Variants in EPB41L4A observed in about 807,000 individuals in gnomAD.
EPB41L4A encodes band 4.1-like protein 4A.
EPB41L4A carries 100 observed loss-of-function variants against 108.6 expected under a neutral mutation model. The observed-to-expected ratio is 0.92, with a 90% CI of 0.78 to 1.09. The LOEUF (loss-of-function observed/expected upper bound fraction) is 1.09. Among genes scored for constraint, EPB41L4A ranks in the 50% least tolerant of loss-of-function variants. EPB41L4A has a pLI of 0.00. For missense variants in EPB41L4A, 1,030 were observed against 842.7 expected (o/e 1.22, Z -2.75); for synonymous variants, 319 against 289.0 (o/e 1.10, Z -1.05).
At chr5:112,289,257 G>A (rs185551455) in intron 2 of EPB41L4A, among the ~76,000 whole-genome samples, 12 of 152,244 alleles carry the variant, frequency 7.9e-5, no homozygotes, top group African/African-American at 1.2e-4. Context: ...GAATACTATG[G>A]ATACTCATTG....
chr5:112,312,410 G>A (rs936527771), intron 1 of EPB41L4A, among the ~76,000 whole-genome samples: 2 of 152,068 alleles, frequency 1.3e-5, no homozygotes, highest in African/African-American at 4.8e-5. Flanking sequence ...AGGACACAAG[G>A]AAAGCATCCA....
intron 1 of EPB41L4A, among the ~76,000 whole-genome samples, chr5:112,388,255 T>C (rs1270133595): frequency 1.3e-5 from 2 of 152,178 alleles, no homozygotes; most frequent in Non-Finnish European, 2.9e-5. Context: ...AGTTTAAAAG[T>C]GCAATGCAAA....
At chr5:112,332,242 A>G (rs1007212064) in intron 1 of EPB41L4A, among the ~76,000 whole-genome samples, 1 of 152,176 alleles carries the variant, frequency 6.6e-6, no homozygotes, top group African/African-American at 2.4e-5. Flanking sequence ...ATTCCTAACT[A>G]TCATCCCATC....
At chr5:112,177,519 G>C (rs559614964) in intron 18 of EPB41L4A, among the ~76,000 whole-genome samples, 1 of 152,252 alleles carries the variant, frequency 6.6e-6, no homozygotes, top group East Asian at 1.9e-4. Context: ...TGGAGATTAA[G>C]CCATGGACAT....
intron 9 of EPB41L4A, among the ~76,000 whole-genome samples, chr5:112,251,202 C>T (rs565233945): frequency 4.5e-4 from 69 of 152,170 alleles, no homozygotes; most frequent in Non-Finnish European, 7.9e-4. Context: ...GGTACAACTA[C>T]GAATGAAGCC....
chr5:112,168,921 G>C (rs766093340), intron 21 of EPB41L4A, 74 bp downstream of exon 21: 3 of 1,484,624 alleles, frequency 2.0e-6, no homozygotes, highest in Non-Finnish European at 2.8e-6. Context: ...ATTTCCATCA[G>C]CAAGTAAAGT....
At chr5:112,364,824 C>A (rs1482373419) in intron 1 of EPB41L4A, among the ~76,000 whole-genome samples, 1 of 152,160 alleles carries the variant, frequency 6.6e-6, no homozygotes, top group African/African-American at 2.4e-5. Context: ...CTAAATCCAA[C>A]CTCATTTCTT....
Position 112,285,845 on chromosome 5 carries a change from G to A in EPB41L4A, c.205-5522C>T, listed in dbSNP as rs1175885500. Among the ~76,000 whole-genome samples the A allele has an allele frequency of 2.0e-5, 3 of 152,024 alleles. No individual in the cohort carries two copies. In the East Asian group the frequency reaches 5.8e-4, roughly 29 times the overall value. Reference sequence around the variant, plus strand: ...AGGCACTGTTGAGGACTCTACATGTGTTTACTCTTTTAATCCTCTTAATAA... The same window carrying A: ...AGGCACTGTTGAGGACTCTACATGTATTTACTCTTTTAATCCTCTTAATAA... On this transcript the variant is annotated intron_variant, in intron 2 of 22. Transcript: ENST00000261486.
chr5:112,168,722 A>G lies in EPB41L4A; in HGVS notation c.1932+17T>C. On this transcript the variant is annotated intron_variant, in intron 22 of 22. Transcript: ENST00000261486. ...GTCATCAATACAACACCTTCTTCAAACCTTACTATTACTAACCTGATGAAC... is the reference window on the plus strand; with the variant it reads ...GTCATCAATACAACACCTTCTTCAAGCCTTACTATTACTAACCTGATGAAC... 2 of 1,603,568 alleles carry G rather than the reference A, an allele frequency of 1.2e-6. No homozygotes were observed. The highest frequency in any genetic ancestry group is 1.7e-6 in the Non-Finnish European group (2 of 1,170,692).
At chr5:112,188,929 CA>C (rs1418381835) in intron 17 of EPB41L4A, among the ~76,000 whole-genome samples, 6 of 152,194 alleles carry the variant, frequency 3.9e-5, no homozygotes, top group African/African-American at 1.4e-4. Context: ...TTGCCCTAGT[CA>C]GATATATTGT....
chr5:112,294,946 T>A (rs1485600458), intron 2 of EPB41L4A, among the ~76,000 whole-genome samples: 1 of 152,116 alleles, frequency 6.6e-6, no homozygotes, highest in Admixed American at 6.5e-5. Flanking sequence ...AAAACTGCAA[T>A]TGCAGTGGGG....
At chr5:112,268,842 C>CAAAAAAAAA (rs34983995) in intron 4 of EPB41L4A, among the ~76,000 whole-genome samples, 3 of 55,916 alleles carry the variant, frequency 5.4e-5, no homozygotes, top group African/African-American at 7.4e-5. Flanking sequence ...GACCTTCTCT[C>CAAAAAAAAA]AAAAAAAAAA....
At chr5:112,413,318 A>G (rs1424299156) in intron 1 of EPB41L4A, among the ~76,000 whole-genome samples, 1 of 152,236 alleles carries the variant, frequency 6.6e-6, no homozygotes, top group Non-Finnish European at 1.5e-5. Context: ...CCCATTATCA[A>G]TACAAAAATT....
chr5:112,320,176 C>T (rs1055233601), intron 1 of EPB41L4A, among the ~76,000 whole-genome samples: 9 of 152,206 alleles, frequency 5.9e-5, no homozygotes, highest in African/African-American at 2.2e-4. Context: ...GGTCACCCTG[C>T]ATCTTGCTCT....
chr5:112,204,693 G>A, intron 14 of EPB41L4A: 1 of 414,618 alleles, frequency 2.4e-6, no homozygotes, highest in Non-Finnish European at 4.4e-6. Context: ...TTATTTTGCA[G>A]GAATGCCATT....
chr5:112,194,382 T>G (rs184309071), intron 17 of EPB41L4A, among the ~76,000 whole-genome samples, 186 bp downstream of exon 17: 173 of 152,294 alleles, frequency 1.1e-3, no homozygotes, highest in Non-Finnish European at 2.1e-3. Flanking sequence ...TTAATCATCT[T>G]ATTGTGAAGA....
upstream of EPB41L4A, chr5:112,419,653 G>A: frequency 2.2e-6 from 1 of 456,494 alleles, no homozygotes; most frequent in Non-Finnish European, 4.4e-6. Flanking sequence ...CCCGACCATG[G>A]GCGCAGGGGC....
At chr5:112,311,817 T>G (rs1755072406) in intron 1 of EPB41L4A, among the ~76,000 whole-genome samples, 1 of 152,230 alleles carries the variant, frequency 6.6e-6, no homozygotes, top group African/African-American at 2.4e-5. Context: ...TGCTGGCATA[T>G]GAAGATAGTC....
chr5:112,237,020 G>T (rs1749386882), intron 11 of EPB41L4A, among the ~76,000 whole-genome samples: 1 of 152,182 alleles, frequency 6.6e-6, no homozygotes, highest in Non-Finnish European at 1.5e-5. Flanking sequence ...GTGAGGATCT[G>T]GGTTCCCAGG....
Sources: allele counts gnomAD v4.1 joint callset (sites outside exome capture counted in the v4.1 genomes callset), GRCh38; gene constraint gnomAD v4.1.1; transcripts MANE v1.5; gene names NCBI Gene and HGNC (gene_info 2026-07-23, HGNC 2026-07-21).